Variants in MYO10 observed in about 807,000 individuals in gnomAD.
MYO10 encodes the protein unconventional myosin-X.
MYO10 carries 133 observed loss-of-function variants against 257.3 expected under a neutral mutation model. The observed-to-expected ratio is 0.52, with a 90% CI of 0.45 to 0.60. MYO10 has a LOEUF of 0.60. Ranked by LOEUF, MYO10 falls within the 20% of genes least tolerant of loss-of-function variation. MYO10 has a pLI of 0.00. For missense variants in MYO10, 2,399 were observed against 2,635.7 expected (o/e 0.91, Z 1.97); for synonymous variants, 1,104 against 1,028.6 (o/e 1.07, Z -1.40).
chr5:16,892,947 C>G (rs368996391), intron 1 of MYO10, among the ~76,000 whole-genome samples: 6 of 151,986 alleles, frequency 3.9e-5, no homozygotes, highest in Admixed American at 6.6e-5. Flanking sequence ...TGTAATCCCA[C>G]CACTTTGGGA....
intron 3 of MYO10, among the ~76,000 whole-genome samples, 198 bp from the exon 4 acceptor site, chr5:16,795,031 G>A (rs746358203): frequency 2.6e-5 from 4 of 152,192 alleles, no homozygotes; most frequent in Non-Finnish European, 5.9e-5. Flanking sequence ...GGATGGCAGT[G>A]AAAGGGAAAC....
chr5:16,891,676 GCAGA>G (rs1337257131), intron 1 of MYO10, among the ~76,000 whole-genome samples: 1 of 152,116 alleles, frequency 6.6e-6, no homozygotes, highest in Non-Finnish European at 1.5e-5. Context: ...AGACAACTAT[GCAGA>G]CAAATAGGTA....
At chr5:16,732,959 C>A (rs572912287) in intron 19 of MYO10, among the ~76,000 whole-genome samples, 210 of 152,232 alleles carry the variant, frequency 1.4e-3, no homozygotes, top group Non-Finnish European at 2.4e-3. Flanking sequence ...CATGGCAAAA[C>A]CCCATCTCTA....
chr5:16,796,759 G>A (rs1399659227), intron 3 of MYO10, among the ~76,000 whole-genome samples: 4 of 152,192 alleles, frequency 2.6e-5, no homozygotes, highest in Admixed American at 2.6e-4. Context: ...GCTGTTAAGG[G>A]CTGATTCATG....
At chr5:16,860,809 G>A (rs1018460692) in intron 2 of MYO10, among the ~76,000 whole-genome samples, 1 of 152,100 alleles carries the variant, frequency 6.6e-6, no homozygotes, top group African/African-American at 2.4e-5. Context: ...CCAAATCAAC[G>A]CAAGCACCGA....
chr5:16,808,115 A>G (rs1454614981), intron 3 of MYO10, among the ~76,000 whole-genome samples: 2 of 152,174 alleles, frequency 1.3e-5, no homozygotes, highest in African/African-American at 4.8e-5. Context: ...CTAGTGCTTT[A>G]TGCCCACTAT....
intron 3 of MYO10, among the ~76,000 whole-genome samples, chr5:16,813,555 A>G (rs1304907300): frequency 2.0e-5 from 3 of 151,204 alleles, no homozygotes; most frequent in Non-Finnish European, 4.4e-5. Flanking sequence ...TGGCTCTAAA[A>G]AAAAAAAAAA....
intron 9 of MYO10, among the ~76,000 whole-genome samples, chr5:16,778,729 C>T (rs548773994): frequency 1.4e-5 from 2 of 142,554 alleles, no homozygotes; most frequent in East Asian, 4.3e-4. Flanking sequence ...GTCTCGCTGT[C>T]TCCCAGGCTG....
chr5:16,704,810 A>G (rs1048964417), intron 21 of MYO10, 125 bp from the exon 22 acceptor site: 3 of 708,480 alleles, frequency 4.2e-6, no homozygotes, highest in African/African-American at 3.5e-5. Context: ...CCACATGGCC[A>G]TGCTTTCTAG....
intron 1 of MYO10, among the ~76,000 whole-genome samples, chr5:16,917,694 C>CAAA (rs774760531): frequency 1.1e-5 from 1 of 94,322 alleles, no homozygotes; most frequent in East Asian, 2.9e-4. Context: ...CCCATCTCTA[C>CAAA]AAAAAAAAAA....
At chr5:16,715,586 C>A (rs182133372) in intron 19 of MYO10, among the ~76,000 whole-genome samples, 113,717 of 150,952 alleles carry the variant, frequency 0.75, 43,596 homozygotes, top group East Asian at 0.82. Context: ...AGGCATGAGC[C>A]ACCTCACCCA....
At chr5:16,825,032 TGG>T (rs1298466950) in intron 2 of MYO10, among the ~76,000 whole-genome samples, 1 of 152,224 alleles carries the variant, frequency 6.6e-6, no homozygotes, top group Non-Finnish European at 1.5e-5. Context: ...TTCTAGGAAT[TGG>T]AGACTGTTTA....
At chr5:16,740,650 G>A (rs1340170001) in intron 19 of MYO10, among the ~76,000 whole-genome samples, 4 of 152,120 alleles carry the variant, frequency 2.6e-5, no homozygotes, top group African/African-American at 4.8e-5. Context: ...ATTCAGCAGA[G>A]AGAGGGAAGC....
chr5:16,812,495 C>A (rs1742472002), intron 3 of MYO10, among the ~76,000 whole-genome samples: 1 of 152,176 alleles, frequency 6.6e-6, no homozygotes, highest in Non-Finnish European at 1.5e-5. Flanking sequence ...CACTCAAACC[C>A]AAGCCTGTGT....
chr5:16,808,788 C>T (rs1232302417), intron 3 of MYO10, among the ~76,000 whole-genome samples: 12 of 152,202 alleles, frequency 7.9e-5, no homozygotes, highest in African/African-American at 2.4e-4. Flanking sequence ...TCTCCTGCCT[C>T]AGCCTCCCAA....
rs1741937870 is a variant in MYO10, at chr5:16,796,165, G to C, written c.280-1332C>G. On this transcript the variant is annotated intron_variant, in intron 3 of 40. Transcript: ENST00000513610. ...GATTGCGCCACTGCACTCCAACCTG[G>C]GCGACAGAGCGAGACTCTGTCAAAA... Among the ~76,000 whole-genome samples the C allele has an allele frequency of 2.1e-5, 3 of 143,794 alleles. No homozygotes were observed. In the Admixed American group the frequency reaches 2.1e-4, roughly 10 times the overall value. 94.3% of individuals were successfully genotyped at this position (143,794 alleles called of 152,430 possible). A position where few individuals can be genotyped will look rare whatever the true frequency, so the allele number is the denominator to read the frequency against.
chr5:16,867,042 G>A (rs575135339), intron 2 of MYO10, among the ~76,000 whole-genome samples: 37 of 152,324 alleles, frequency 2.4e-4, no homozygotes, highest in African/African-American at 8.4e-4. Flanking sequence ...CAGTGGGACC[G>A]TGCTCCTGCG....
chr5:16,903,386 C>A (rs182515977), intron 1 of MYO10, among the ~76,000 whole-genome samples: 1 of 152,034 alleles, frequency 6.6e-6, no homozygotes, highest in African/African-American at 2.4e-5. Flanking sequence ...TCCAGCCTGG[C>A]GACAGAGCAA....
intron 18 of MYO10, 61 bp downstream of exon 18, chr5:16,758,057 C>CT (rs1740586107): frequency 7.8e-7 from 1 of 1,289,358 alleles, no homozygotes; most frequent in Non-Finnish European, 1.1e-6. Flanking sequence ...CCCAAATCCT[C>CT]TTTTCAGTTC....
Sources: allele counts gnomAD v4.1 joint callset (sites outside exome capture counted in the v4.1 genomes callset), GRCh38; gene constraint gnomAD v4.1.1; transcripts MANE v1.5; gene names NCBI Gene and HGNC (gene_info 2026-07-23, HGNC 2026-07-21).